The following SNTG1 variants were observed in gnomAD, a reference collection of about 807,000 sequenced individuals.
SNTG1 encodes syntrophin gamma 1.
SNTG1 carries 39 observed loss-of-function variants against 74.7 expected under a neutral mutation model. The ratio of observed to expected loss-of-function variants is 0.52; its 90% CI spans 0.40 to 0.68. SNTG1 has a LOEUF of 0.68. Ranked by LOEUF, SNTG1 falls within the 30% of genes least tolerant of loss-of-function variation. The pLI, the probability that SNTG1 is intolerant of heterozygous loss-of-function variation, is 0.00. For synonymous variants in SNTG1, 254 were observed against 217.1 expected (o/e 1.17, Z -1.49); for missense variants, 685 against 609.5 (o/e 1.12, Z -1.30).
chr8:50,545,943 ATACT>A (rs1211274028), intron 11 of SNTG1, among the ~76,000 whole-genome samples: 1 of 152,178 alleles, frequency 6.6e-6, no homozygotes, highest in Non-Finnish European at 1.5e-5. Flanking sequence ...CTTATAGTAA[ATACT>A]TAATTCATGG....
At chr8:50,743,455 C>T (rs560883157) in intron 17 of SNTG1, among the ~76,000 whole-genome samples, 3 of 151,578 alleles carry the variant, frequency 2.0e-5, no homozygotes, top group East Asian at 3.9e-4. Context: ...CAGAACGCAT[C>T]AACCTTTAAC....
chr8:50,383,383 G>C (rs79570159), intron 2 of SNTG1, among the ~76,000 whole-genome samples: 7,561 of 152,248 alleles, frequency 0.05, 249 homozygotes, highest in Non-Finnish European at 0.07. Flanking sequence ...TCTTATGTTA[G>C]ATGATAAGGG....
At chr8:50,320,866 C>T (rs1587116268) in intron 2 of SNTG1, among the ~76,000 whole-genome samples, 1 of 152,116 alleles carries the variant, frequency 6.6e-6, no homozygotes, top group East Asian at 1.9e-4. Flanking sequence ...TTCCACTGTG[C>T]TCAGAGAACA....
intron 2 of SNTG1, among the ~76,000 whole-genome samples, chr8:50,210,978 A>G (rs2084494062): frequency 6.6e-6 from 1 of 152,154 alleles, no homozygotes; most frequent in Non-Finnish European, 1.5e-5. Context: ...TACCCCTGCA[A>G]TGAGTGTAAT....
At chr8:50,593,992 A>G (rs1161653489) in intron 13 of SNTG1, among the ~76,000 whole-genome samples, 1 of 152,200 alleles carries the variant, frequency 6.6e-6, no homozygotes, top group Non-Finnish European at 1.5e-5. Flanking sequence ...TGCTGGGATT[A>G]CAGGCATGAG....
rs572917438 is a variant in SNTG1, at chr8:49,929,718, T to A, written c.-103+17487T>A. Among the ~76,000 whole-genome samples, 198 of 150,780 alleles carry A rather than the reference T, an allele frequency of 1.3e-3. 1 individual carries two copies. The highest frequency in any genetic ancestry group is 2.0e-3 in the Non-Finnish European group (137 of 67,954). Reference sequence around the variant, plus strand: ...CCCTTTGTTTTAGCTTATTTTTTTTTAATTTTTTTTATTATACTTTAAGTT... The same window carrying A: ...CCCTTTGTTTTAGCTTATTTTTTTTAAATTTTTTTTATTATACTTTAAGTT... On this transcript the variant is annotated intron_variant, in intron 1 of 18. Coordinates refer to ENST00000642720, the MANE Select transcript of SNTG1 (RefSeq NM_018967.5).
intron 12 of SNTG1, among the ~76,000 whole-genome samples, chr8:50,573,129 G>T (rs1347357700): frequency 6.6e-6 from 1 of 151,918 alleles, no homozygotes; most frequent in Non-Finnish European, 1.5e-5. Context: ...ATCCTTAAAG[G>T]CATTTAAATT....
At chr8:50,234,766 G>C (rs969303204) in intron 2 of SNTG1, among the ~76,000 whole-genome samples, 3 of 151,986 alleles carry the variant, frequency 2.0e-5, no homozygotes, top group Non-Finnish European at 4.4e-5. Context: ...ATATCACAAA[G>C]TGACTAAAAA....
chr8:50,114,417 A>C (rs2080731197), intron 1 of SNTG1, among the ~76,000 whole-genome samples: 1 of 152,162 alleles, frequency 6.6e-6, no homozygotes, highest in South Asian at 2.1e-4. Flanking sequence ...AATGAAATAA[A>C]CCTGATTGAG....
intron 13 of SNTG1, among the ~76,000 whole-genome samples, chr8:50,648,771 C>G (rs2095126400): frequency 6.6e-6 from 1 of 152,094 alleles, no homozygotes; most frequent in South Asian, 2.1e-4. Flanking sequence ...CATAAACAAG[C>G]TACATGTCAA....
At chr8:49,937,953 G>A (rs1808236468) in intron 1 of SNTG1, among the ~76,000 whole-genome samples, 1 of 151,858 alleles carries the variant, frequency 6.6e-6, no homozygotes. Context: ...TCATTGACTT[G>A]TCCCTCCCTT....
intron 13 of SNTG1, among the ~76,000 whole-genome samples, chr8:50,602,712 C>T (rs867312981): frequency 3.3e-4 from 50 of 152,196 alleles, no homozygotes; most frequent in South Asian, 1.2e-3. Flanking sequence ...AATCCCTAAG[C>T]TTTTGTTTGT....
At chr8:50,420,636 GT>G (rs1158423470) in intron 4 of SNTG1, among the ~76,000 whole-genome samples, 4 of 152,166 alleles carry the variant, frequency 2.6e-5, no homozygotes, top group Admixed American at 6.6e-5. Flanking sequence ...TTCCCCTTAA[GT>G]TTTTTAAAGT....
chr8:50,068,400 G>A (rs1011874567), intron 1 of SNTG1, among the ~76,000 whole-genome samples: 1 of 152,110 alleles, frequency 6.6e-6, no homozygotes, highest in Non-Finnish European at 1.5e-5. Flanking sequence ...ACTTTCCTGA[G>A]TGAAAAATCA....
At chr8:50,354,475 A>T (rs886546079) in intron 2 of SNTG1, among the ~76,000 whole-genome samples, 2 of 152,130 alleles carry the variant, frequency 1.3e-5, no homozygotes, top group African/African-American at 4.8e-5. Context: ...ATTATCATTG[A>T]ATCTTGCGTG....
chr8:50,418,861 G>A (rs2093046615), intron 4 of SNTG1, among the ~76,000 whole-genome samples: 1 of 152,150 alleles, frequency 6.6e-6, no homozygotes, highest in Non-Finnish European at 1.5e-5. Flanking sequence ...TTTCATTGAA[G>A]CCACATCCAA....
At chr8:50,390,467 T>G (rs2092641376) in intron 2 of SNTG1, among the ~76,000 whole-genome samples, 1 of 152,240 alleles carries the variant, frequency 6.6e-6, no homozygotes, top group African/African-American at 2.4e-5. Flanking sequence ...TTTTAGTTAC[T>G]GTAACTTTGT....
At chr8:50,509,371 T>C (rs2094042836) in intron 9 of SNTG1, among the ~76,000 whole-genome samples, 1 of 152,194 alleles carries the variant, frequency 6.6e-6, no homozygotes, top group Non-Finnish European at 1.5e-5. Context: ...CTTTGTTCTT[T>C]TGGCTTAGGA....
At chr8:49,924,862 GCTATTGGC>G (rs1806874189) in intron 1 of SNTG1, among the ~76,000 whole-genome samples, 1 of 151,918 alleles carries the variant, frequency 6.6e-6, no homozygotes, top group Non-Finnish European at 1.5e-5. Flanking sequence ...CGTAGATGCA[GCTATTGGC>G]CAGGTGTAGT....
Sources: allele counts gnomAD v4.1 joint callset (sites outside exome capture counted in the v4.1 genomes callset), GRCh38; gene constraint gnomAD v4.1.1; transcripts MANE v1.5; gene names NCBI Gene and HGNC (gene_info 2026-07-23, HGNC 2026-07-21).